NRXN1: variants seen among roughly 807,000 people sequenced by gnomAD.
NRXN1 encodes the protein neurexin-1.
NRXN1 carries 39 observed loss-of-function variants against 150.9 expected under a neutral mutation model. The observed-to-expected ratio is 0.26, with a 90% CI of 0.20 to 0.34. The LOEUF is 0.34. Among genes scored for constraint, NRXN1 ranks in the 10% least tolerant of loss-of-function variants. NRXN1 has a pLI of 1.00. For missense variants in NRXN1, 1,815 were observed against 1,949.9 expected, an observed-to-expected ratio of 0.93 and a Z score of 1.30; for synonymous variants, 924 against 757.0, an observed-to-expected ratio of 1.22 and a Z score of -3.62.
chr2:50,095,732 A>G (rs1309020714), intron 18 of NRXN1, among the ~76,000 whole-genome samples: 1 of 151,386 alleles, frequency 6.6e-6, no homozygotes, highest in African/African-American at 2.4e-5. Flanking sequence ...TTTAGAAACA[A>G]TGAGCATCCG....
At chr2:50,323,998 G>T (rs747505169) in intron 17 of NRXN1, among the ~76,000 whole-genome samples, 4 of 152,336 alleles carry the variant, frequency 2.6e-5, no homozygotes, top group Non-Finnish European at 4.4e-5. Flanking sequence ...ATCACAGAAA[G>T]AGCTGGAAAA....
intron 5 of NRXN1, among the ~76,000 whole-genome samples, chr2:50,702,356 GAA>G (rs59520961): frequency 1.6e-4 from 23 of 147,650 alleles, no homozygotes; most frequent in African/African-American, 2.2e-4. Context: ...ATGTTGTAAT[GAA>G]AAAAAAAAAC....
At chr2:50,313,857 T>A (rs1269948181) in intron 17 of NRXN1, among the ~76,000 whole-genome samples, 1 of 152,058 alleles carries the variant, frequency 6.6e-6, no homozygotes, top group Non-Finnish European at 1.5e-5. Context: ...AACTTTCCAC[T>A]CGGCAGACAG....
rs140935876 is a variant in NRXN1, at chr2:50,495,774, A to C, written c.3070+131T>G. The C allele has an allele frequency of 0.011, 7,362 of 667,078 alleles. 60 individuals are homozygous for C. Among genetic ancestry groups the C allele is most frequent in the Middle Eastern group, 0.024 (54 of 2,260 alleles). 41.3% of individuals were successfully genotyped at this position (667,078 alleles called of 1,614,324 possible). On this transcript the variant is annotated intron_variant, in intron 15 of 22. Coordinates refer to ENST00000401669, the MANE Select transcript of NRXN1 (RefSeq NM_001330078.2). Reference sequence around the variant, plus strand: ...CAGAGGCTTGTGTGTTGTATTGTTAATTATGTGCTGAAAATGAAATTCTGG... The same window carrying C: ...CAGAGGCTTGTGTGTTGTATTGTTACTTATGTGCTGAAAATGAAATTCTGG...
chr2:51,024,527 T>C (rs1170310725), intron 2 of NRXN1, among the ~76,000 whole-genome samples: 1 of 152,148 alleles, frequency 6.6e-6, no homozygotes, highest in Non-Finnish European at 1.5e-5. Context: ...TAACCTTTCC[T>C]GGATTCTCTA....
At chr2:50,208,597 T>C (rs1292888950) in intron 18 of NRXN1, among the ~76,000 whole-genome samples, 2 of 152,070 alleles carry the variant, frequency 1.3e-5, no homozygotes, top group Non-Finnish European at 2.9e-5. Flanking sequence ...GTGGAGGGTC[T>C]TGGCTCCTGT....
chr2:50,614,926 C>CTTCATA (rs1678824176), intron 8 of NRXN1, among the ~76,000 whole-genome samples: 1 of 152,058 alleles, frequency 6.6e-6, no homozygotes, highest in Non-Finnish European at 1.5e-5. Flanking sequence ...TGCTGGTACA[C>CTTCATA]TGTGATGTGG....
intron 21 of NRXN1, among the ~76,000 whole-genome samples, chr2:49,968,538 C>G (rs1313224695): frequency 6.6e-6 from 1 of 151,890 alleles, no homozygotes; most frequent in Non-Finnish European, 1.5e-5. Context: ...ATTCTAGTAC[C>G]CTCGGTGTCC....
chr2:50,959,684 C>T (rs755804230), intron 2 of NRXN1, among the ~76,000 whole-genome samples: 7 of 151,928 alleles, frequency 4.6e-5, no homozygotes, highest in Non-Finnish European at 7.4e-5. Context: ...GCACAATCTT[C>T]GGAATATGCT....
At chr2:50,262,180 T>C (rs1015472078) in intron 17 of NRXN1, among the ~76,000 whole-genome samples, 1 of 152,000 alleles carries the variant, frequency 6.6e-6, no homozygotes, top group African/African-American at 2.4e-5. Flanking sequence ...ACAGAATGTT[T>C]TCTGTATTTT....
chr2:50,032,677 T>C (rs1237102300), intron 21 of NRXN1, among the ~76,000 whole-genome samples: 1 of 151,894 alleles, frequency 6.6e-6, no homozygotes, highest in African/African-American at 2.4e-5. Context: ...TTCAATGGAA[T>C]TATAAAGGTG....
At chr2:50,256,522 G>A (rs1401280696) in intron 17 of NRXN1, among the ~76,000 whole-genome samples, 2 of 152,058 alleles carry the variant, frequency 1.3e-5, no homozygotes, top group Admixed American at 1.3e-4. Flanking sequence ...CTATTGCATT[G>A]TCTTGAGTTA....
chr2:50,434,186 A>T (rs906847983), intron 17 of NRXN1, among the ~76,000 whole-genome samples: 2 of 150,894 alleles, frequency 1.3e-5, no homozygotes, highest in South Asian at 4.2e-4. Context: ...CAGCCTCCCA[A>T]GTAGCTGGGA....
At chr2:49,985,210 T>A (rs1010425010) in intron 21 of NRXN1, among the ~76,000 whole-genome samples, 1 of 152,176 alleles carries the variant, frequency 6.6e-6, no homozygotes, top group Non-Finnish European at 1.5e-5. Flanking sequence ...CTAGCATAGA[T>A]TCAATGGTCA....
intron 18 of NRXN1, among the ~76,000 whole-genome samples, chr2:50,099,455 T>C (rs1015821097): frequency 3.3e-5 from 5 of 152,168 alleles, no homozygotes; most frequent in Non-Finnish European, 7.4e-5. Flanking sequence ...CACAAGGTTG[T>C]GCAACCATCA....
intron 5 of NRXN1, among the ~76,000 whole-genome samples, chr2:50,828,728 C>G (rs923847028): frequency 6.6e-5 from 10 of 151,606 alleles, no homozygotes; most frequent in Admixed American, 2.0e-4. Flanking sequence ...GGGCAGAGAC[C>G]CTCCTCACTT....
chr2:50,541,966 G>C (rs893228260), intron 9 of NRXN1, among the ~76,000 whole-genome samples: 1 of 152,132 alleles, frequency 6.6e-6, no homozygotes, highest in African/African-American at 2.4e-5. Flanking sequence ...CCCTTTGAGA[G>C]ACAATTGTAG....
At chr2:50,048,303 AGATT>A (rs754210351) in intron 21 of NRXN1, among the ~76,000 whole-genome samples, 2 of 152,170 alleles carry the variant, frequency 1.3e-5, no homozygotes, top group African/African-American at 4.8e-5. Flanking sequence ...TGAATTCAGA[AGATT>A]GATTGGACTA....
Position 50,538,450 on chromosome 2 carries a change from A to G in NRXN1, c.1946T>C (p.Ile649Thr). Residue 649 changes from isoleucine (I) to threonine (T), a missense_variant, in exon 10 of 23, where the codon ATC becomes ACC. Coordinates refer to ENST00000401669, the MANE Select transcript of NRXN1 (RefSeq NM_001330078.2). ...CCGGATATCTTTGCTTTGGCCATCG[A>G]TGAACAAATCCCTGATGCAGCCCAC... Reference protein sequence around the residue: ...GYVGCIRDLFIDGQSKDIRQM... With the variant: ...GYVGCIRDLFTDGQSKDIRQM... 1 of 1,613,930 alleles carries G rather than the reference A, an allele frequency of 6.2e-7. No homozygotes were observed. Among genetic ancestry groups the G allele is most frequent in the Non-Finnish European group, 8.5e-7 (1 of 1,179,858 alleles).
Sources: gnomAD v4.1 joint callset for allele counts (sites outside exome capture counted in the v4.1 genomes callset) on GRCh38, gnomAD v4.1.1 for gene constraint, MANE v1.5 for transcripts, NCBI Gene and HGNC (gene_info 2026-07-23, HGNC 2026-07-21) for gene names.